Variants in ROBO1 observed in about 807,000 individuals in gnomAD.
ROBO1 encodes roundabout homolog 1.
Under a neutral mutation model 195.9 loss-of-function variants are expected in ROBO1, and 149 were observed. The observed-to-expected ratio is 0.76, with a 90% CI of 0.67 to 0.87. The LOEUF is 0.87. Among genes scored for constraint, ROBO1 ranks in the 40% least tolerant of loss-of-function variants. The probability of loss-of-function intolerance (pLI) is 0.00; values close to 1 mark genes in which losing one functional copy is unlikely to be tolerated. For synonymous variants in ROBO1, 816 were observed against 733.2 expected, an observed-to-expected ratio of 1.11 and a Z score of -1.82; for missense variants, 1,933 against 2,068.3, an observed-to-expected ratio of 0.93 and a Z score of 1.27.
chr3:79,274,406 G>A (rs2030843579), intron 2 of ROBO1, among the ~76,000 whole-genome samples: 1 of 151,860 alleles, frequency 6.6e-6, no homozygotes, highest in Non-Finnish European at 1.5e-5. Flanking sequence ...TGACCTGCGG[G>A]TCAATGAAGT....
chr3:79,311,016 T>C (rs189083270), intron 2 of ROBO1, among the ~76,000 whole-genome samples: 224 of 152,330 alleles, frequency 1.5e-3, no homozygotes, highest in African/African-American at 5.1e-3. Flanking sequence ...TGATTTTCTT[T>C]TTTCTTTATT....
intron 2 of ROBO1, among the ~76,000 whole-genome samples, chr3:79,430,615 T>C (rs1473414805): frequency 6.6e-6 from 1 of 152,126 alleles, no homozygotes; most frequent in Non-Finnish European, 1.5e-5. Context: ...TAGTGAATGG[T>C]TGCAGAAATG....
intron 2 of ROBO1, among the ~76,000 whole-genome samples, chr3:79,525,591 G>A (rs1199072795): frequency 2.1e-5 from 3 of 143,232 alleles, no homozygotes; most frequent in Admixed American, 1.4e-4. Flanking sequence ...TGTGTTTAGT[G>A]TCTTTAGAAC....
intron 2 of ROBO1, among the ~76,000 whole-genome samples, chr3:79,328,097 AG>A (rs2034288495): frequency 6.6e-6 from 1 of 152,230 alleles, no homozygotes; most frequent in Non-Finnish European, 1.5e-5. Flanking sequence ...TATAGCTTTT[AG>A]GCAACACAAA....
intron 2 of ROBO1, among the ~76,000 whole-genome samples, chr3:79,532,652 G>A (rs1044803533): frequency 1.3e-5 from 2 of 151,988 alleles, no homozygotes; most frequent in East Asian, 1.9e-4. Flanking sequence ...AAATACAAAT[G>A]CACATCTCTT....
chr3:78,756,812 A>T (rs1030772341), intron 4 of ROBO1, among the ~76,000 whole-genome samples: 1 of 152,210 alleles, frequency 6.6e-6, no homozygotes, highest in Admixed American at 6.5e-5. Context: ...CCTGAAGAAA[A>T]GGCTCAAAAG....
intron 1 of ROBO1, among the ~76,000 whole-genome samples, chr3:79,694,391 C>T (rs1947382356): frequency 6.6e-6 from 1 of 151,770 alleles, no homozygotes; most frequent in African/African-American, 2.4e-5. Flanking sequence ...AGCTAAATTT[C>T]TACTTGATAC....
chr3:79,758,868 A>C (rs1704546393), intron 1 of ROBO1, among the ~76,000 whole-genome samples: 1 of 152,232 alleles, frequency 6.6e-6, no homozygotes, highest in Non-Finnish European at 1.5e-5. Context: ...AATGAATAAA[A>C]GCACACAATA....
rs142000147 is a variant in ROBO1, at chr3:79,107,825, T to G, written c.172+17631A>C. ...CTTAACTGTTAGAGCTCATTTAAATTATCACTTGGAACACTGAAATAAAGA... is the reference window on the plus strand; with the variant it reads ...CTTAACTGTTAGAGCTCATTTAAATGATCACTTGGAACACTGAAATAAAGA... On this transcript the variant is annotated intron_variant, in intron 3 of 30. Coordinates refer to ENST00000464233, the MANE Select transcript of ROBO1 (RefSeq NM_002941.4). 3.3e-5 allele frequency among the ~76,000 whole-genome samples: 5 copies of G among 151,812 alleles called. No individual in the cohort carries two copies. The East Asian group carries it at 9.7e-4, about 29-fold the overall frequency.
chr3:79,697,671 A>C (rs1947487650), intron 1 of ROBO1, among the ~76,000 whole-genome samples: 1 of 151,498 alleles, frequency 6.6e-6, no homozygotes, highest in South Asian at 2.1e-4. Context: ...AATAATAATA[A>C]TTTTTAAAGT....
chr3:79,505,623 C>T lies in ROBO1; in HGVS notation c.88+84201G>A, dbSNP rs189717120. The stretch of plus-strand genomic sequence containing the variant: ...CTAATACCAGGGAAAGCTTACAATA[C>T]TTTGCAGTAACGATCATTGGCTTGA... On this transcript the variant is annotated intron_variant, in intron 2 of 30. Transcript: ENST00000464233. Among the ~76,000 whole-genome samples, 4 of 152,286 alleles carry T rather than the reference C, an allele frequency of 2.6e-5. No individual in the cohort carries two copies. In the East Asian group the frequency reaches 7.7e-4, roughly 29 times the overall value.
intron 3 of ROBO1, among the ~76,000 whole-genome samples, chr3:79,036,246 G>A (rs977150215): frequency 2.0e-5 from 3 of 151,330 alleles, no homozygotes; most frequent in Middle Eastern, 3.2e-3. Flanking sequence ...TTCTTTACAA[G>A]TCTGTAAATA....
chr3:78,693,349 A>T, intron 8 of ROBO1: 1 of 1,549,732 alleles, frequency 6.5e-7, no homozygotes, highest in Non-Finnish European at 8.7e-7. Flanking sequence ...TCAACTTACC[A>T]GACCCAACTA....
chr3:78,935,951 T>C (rs2039782702), intron 4 of ROBO1, among the ~76,000 whole-genome samples: 1 of 152,022 alleles, frequency 6.6e-6, no homozygotes, highest in African/African-American at 2.4e-5. Context: ...GCATCAATAC[T>C]GTTTTTGAGA....
At chr3:79,302,711 C>T (rs906244243) in intron 2 of ROBO1, among the ~76,000 whole-genome samples, 2 of 151,904 alleles carry the variant, frequency 1.3e-5, no homozygotes, top group East Asian at 1.9e-4. Context: ...TTAATTTGTA[C>T]GTACAACATT....
Position 78,633,993 on chromosome 3 carries a change from T to C in ROBO1, c.3423A>G (p.Ser1141=), listed in dbSNP as rs1332258771. 9.3e-6 allele frequency: 15 copies of C among 1,612,786 alleles called. No homozygotes were observed. The highest frequency in any genetic ancestry group is 1.3e-5 in the African/African-American group (1 of 74,858). ...AGGATCCTCCTGTGTTCTGGTCGTA[T>C]GATTGGTTGTATGGGATAGTTGGAG... ...TVPPTIPYNQ[S]YDQNTGGSYN... Residue 1141 remains serine, a synonymous_variant, in exon 24 of 31, where the codon TCA becomes TCG. Transcript: ENST00000464233.
At chr3:78,745,306 C>CA (rs11360584) in intron 5 of ROBO1, among the ~76,000 whole-genome samples, 11,490 of 70,280 alleles carry the variant, frequency 0.16, 1,146 homozygotes, top group African/African-American at 0.32. Flanking sequence ...GACTCCATTT[C>CA]AAAAAAAAAA....
intron 2 of ROBO1, among the ~76,000 whole-genome samples, chr3:79,158,356 C>CAT (rs35273386): frequency 0.13 from 20,349 of 150,932 alleles, 2,201 homozygotes; most frequent in African/African-American, 0.3. Context: ...GTATGTAACA[C>CAT]ATATTTTCTG....
intron 4 of ROBO1, among the ~76,000 whole-genome samples, chr3:78,762,198 A>G (rs764367674): frequency 3.2e-4 from 48 of 152,082 alleles, no homozygotes; most frequent in Non-Finnish European, 6.0e-4. Flanking sequence ...CTTTAAATGC[A>G]TAAGTATTTT....
Sources: allele counts gnomAD v4.1 joint callset (sites outside exome capture counted in the v4.1 genomes callset), GRCh38; gene constraint gnomAD v4.1.1; transcripts MANE v1.5; gene names NCBI Gene and HGNC (gene_info 2026-07-23, HGNC 2026-07-21).